PC: variants seen among roughly 807,000 people sequenced by gnomAD.
PC encodes pyruvate carboxylase, also known as pyruvate carboxylase, mitochondrial.
A neutral mutation model predicts 107.8 loss-of-function variants in PC; 46 were observed. That is an observed-to-expected ratio of 0.43 (90% CI 0.34 to 0.55). The LOEUF (loss-of-function observed/expected upper bound fraction) is 0.55, where lower values mean the gene tolerates loss of function less well. Among genes scored for constraint, PC ranks in the 20% least tolerant of loss-of-function variants. The pLI, the probability that PC is intolerant of heterozygous loss-of-function variation, is 0.04. For synonymous variants in PC, 662 were observed against 684.7 expected (o/e 0.97, Z 0.52); for missense variants, 1,241 against 1,643.1 (o/e 0.76, Z 4.23).
Position 66,850,379 on chromosome 11 carries a change from G to A in PC, c.2559C>T (p.Thr853=), listed in dbSNP as rs1255691208. 2.5e-6 allele frequency: 4 copies of A among 1,614,068 alleles called. No individual in the cohort carries two copies. The highest frequency in any genetic ancestry group is 8.5e-7 in the Non-Finnish European group (1 of 1,180,012). ...ACACGTCCGAGTTGCCAGACTTCAT[G>A]GTGGCCGTGCAGTCGAAGGCCGCGT... The part of the protein sequence containing the change: ...GLYAAFDCTA[T]MKSGNSDVYE... Residue 853 remains threonine, a synonymous_variant, in exon 19 of 23, where the codon ACC becomes ACT. Coordinates refer to ENST00000393960, the MANE Select transcript of PC (RefSeq NM_001040716.2).
chr11:66,878,631 G>T (rs1947071229), intron 3 of PC, among the ~76,000 whole-genome samples: 2 of 152,224 alleles, frequency 1.3e-5, no homozygotes, highest in African/African-American at 2.4e-5. Flanking sequence ...TCCACCAAGA[G>T]CCGGAGGCTG....
Position 66,848,904 on chromosome 11 carries a change from C to T in PC, c.3532G>A (p.Glu1178Lys), listed in dbSNP as rs141139690. The change falls in exon 23 of 23, where the codon GAG becomes AAG. Residue 1178 changes from glutamate to lysine, a missense_variant. Physicochemically the swap from Glu to Lys is moderately conservative, Grantham distance 56. Around this residue, in one of 2 missense-constraint regions of PC, gnomAD observed 98 missense variants for 91.2 expected, o/e 1.07. Coordinates refer to ENST00000393960, the MANE Select transcript of PC (RefSeq NM_001040716.2). ...LEGDDLILEI[E>K] is the part of the protein sequence containing the mutation. Reference sequence around the variant, plus strand: ...GCTGCCGGTCTGGGGCAAGATCACTCGATCTCCAGGATGAGGTCGTCACCT... The same window carrying T: ...GCTGCCGGTCTGGGGCAAGATCACTTGATCTCCAGGATGAGGTCGTCACCT... The T allele has an allele frequency of 4.6e-5, 75 of 1,613,662 alleles. No homozygotes were observed. The highest frequency in any genetic ancestry group is 1.6e-4 in the African/African-American group (12 of 74,924).
chr11:66,892,036 A>G (rs888320171), intron 3 of PC, among the ~76,000 whole-genome samples: 1 of 152,188 alleles, frequency 6.6e-6, no homozygotes, highest in Admixed American at 6.5e-5. Context: ...TATTCTAGGC[A>G]TGAATCCATT....
chr11:66,881,729 C>G (rs1177909604), intron 3 of PC, among the ~76,000 whole-genome samples: 1 of 152,340 alleles, frequency 6.6e-6, no homozygotes, highest in East Asian at 1.9e-4. Flanking sequence ...CACTCAGTAA[C>G]CCTCACAGCC....
rs1027675729 is a variant in PC, at chr11:66,848,603, G to C, written c.*296C>G. On this transcript the variant is annotated 3_prime_UTR_variant, in exon 23 of 23. Coordinates refer to ENST00000393960, the MANE Select transcript of PC (RefSeq NM_001040716.2). The stretch of plus-strand genomic sequence containing the variant: ...AGATCTCCCCTTCCCCCAGGAGATA[G>C]GACCCCTAAACCTCCCCTGGGTCCT... 1 of 600,070 alleles carries C rather than the reference G, an allele frequency of 1.7e-6. No homozygotes were observed. The highest frequency in any genetic ancestry group is 1.9e-5 in the African/African-American group (1 of 53,824). 37.2% of individuals were successfully genotyped at this position (600,070 alleles called of 1,614,324 possible).
chr11:66,948,612 G>A (rs1234663393), intron 3 of PC, among the ~76,000 whole-genome samples: 2 of 152,170 alleles, frequency 1.3e-5, no homozygotes, highest in African/African-American at 2.4e-5. Flanking sequence ...GGCCAAGGCG[G>A]GCTGATTGCT....
At chr11:66,908,763 C>T (rs76758584) in intron 3 of PC, among the ~76,000 whole-genome samples, 133 of 152,310 alleles carry the variant, frequency 8.7e-4, no homozygotes, top group Admixed American at 2.4e-3. Context: ...GCTACGGGAA[C>T]GTAAGTGCGC....
intron 3 of PC, among the ~76,000 whole-genome samples, chr11:66,937,169 A>T (rs1949020854): frequency 6.6e-6 from 1 of 152,182 alleles, no homozygotes; most frequent in South Asian, 2.1e-4. Flanking sequence ...CTACAGGTCA[A>T]GGAAGCTTGA....
chr11:66,871,519 T>A lies in PC; in HGVS notation c.322-39A>T. The A allele has an allele frequency of 6.2e-7, 1 of 1,611,512 alleles. No homozygotes were observed. Among genetic ancestry groups the A allele is most frequent in the Non-Finnish European group, 8.5e-7 (1 of 1,178,862 alleles). ...TCAGGGAGAGGACGGTACCTTGCAG[T>A]CCCTTCCAAGGCCTCGGCCAGCCTC... On this transcript the variant is annotated intron_variant, in intron 5 of 22. Transcript: ENST00000393960. The surrounding 1 kb of genome is among the most constrained non-coding windows in gnomAD (Gnocchi z 7.4).
rs557389257 is a variant in PC at position 66,852,345 on chromosome 11, C to T, written c.1825+94G>A. On this transcript the variant is annotated intron_variant, in intron 15 of 22. Transcript: ENST00000393960. The surrounding 1 kb of genome is among the most constrained non-coding windows in gnomAD (Gnocchi z 4.7). ...TCCTCTTTGGTGTTCTTCGTGTCAG[C>T]GTCTCTAGCTTGTCCCCAGTGGCCT... 25 of 1,029,224 alleles carry T rather than the reference C, an allele frequency of 2.4e-5. No individual in the cohort carries two copies. Among genetic ancestry groups the T allele is most frequent in the Admixed American group, 8.7e-5 (5 of 57,654 alleles). The allele number at this position is 1,029,224 out of a possible 1,614,324, so 63.8% of individuals were successfully genotyped here.
At position 66,850,781 on chromosome 11, in the gene PC, G is replaced by A; in HGVS notation, c.2366C>T (p.Ala789Val). 6.2e-7 allele frequency: 1 copy of A among 1,611,592 alleles called. No individual in the cohort carries two copies. Among genetic ancestry groups the A allele is most frequent in the Non-Finnish European group, 8.5e-7 (1 of 1,179,986 alleles). Residue 789 changes from alanine (A) to valine (V), a missense_variant, in exon 18 of 23, where the codon GCT becomes GTT. Ala to Val is a moderately conservative substitution (Grantham distance 64). Transcript: ENST00000393960. The stretch of plus-strand genomic sequence containing the variant: ...TGCCACATCCACCACATCAGCTCCA[G>A]CCTGGGCACAGGCCAGCATGGCTGC... ...GVAAMLACAQAGADVVDVAAD... is the reference protein window; with the variant it reads ...GVAAMLACAQVGADVVDVAAD...
At chr11:66,862,329 A>G (rs977680664) in intron 12 of PC, among the ~76,000 whole-genome samples, 1 of 152,168 alleles carries the variant, frequency 6.6e-6, no homozygotes, top group African/African-American at 2.4e-5. Context: ...GGCTGGCCAC[A>G]CACACAGGCA....
intron 3 of PC, among the ~76,000 whole-genome samples, chr11:66,950,247 C>T (rs918330496): frequency 2.0e-5 from 3 of 152,184 alleles, no homozygotes; most frequent in South Asian, 2.1e-4. Context: ...ATGGCCAGGT[C>T]GTGGAATTTT....
intron 3 of PC, among the ~76,000 whole-genome samples, chr11:66,890,862 C>A (rs1157637325): frequency 2.6e-5 from 4 of 151,994 alleles, no homozygotes; most frequent in Non-Finnish European, 5.9e-5. Flanking sequence ...ACAAAATGAT[C>A]ATTGTTGAAG....
chr11:66,954,974 T>C (rs1422490052), intron 1 of PC, among the ~76,000 whole-genome samples: 1 of 150,574 alleles, frequency 6.6e-6, no homozygotes, highest in Non-Finnish European at 1.5e-5. Flanking sequence ...AACGTTGACC[T>C]GAACGAGGCC....
chr11:66,886,365 G>C (rs1175555020), intron 3 of PC, among the ~76,000 whole-genome samples: 1 of 152,178 alleles, frequency 6.6e-6, no homozygotes. Flanking sequence ...TCCAGAGCTA[G>C]TGGGCCCCAC....
chr11:66,925,810 A>G (rs1043136596), intron 3 of PC, among the ~76,000 whole-genome samples: 3 of 152,076 alleles, frequency 2.0e-5, no homozygotes, highest in African/African-American at 7.2e-5. Flanking sequence ...AAAAGTATTA[A>G]TTTGGGGAAC....
intron 11 of PC, among the ~76,000 whole-genome samples, chr11:66,865,200 C>T (rs1292394329): frequency 6.6e-6 from 1 of 152,172 alleles, no homozygotes; most frequent in Non-Finnish European, 1.5e-5. Flanking sequence ...CTTCCAGAAT[C>T]CAGAGAGCTC....
intron 3 of PC, among the ~76,000 whole-genome samples, chr11:66,905,426 A>G (rs1948132288): frequency 6.6e-6 from 1 of 152,190 alleles, no homozygotes; most frequent in Non-Finnish European, 1.5e-5. Context: ...GGGCCAGTGG[A>G]GCCAGTTCAA....
Sources: gnomAD v4.1 joint callset for allele counts (sites outside exome capture counted in the v4.1 genomes callset) on GRCh38, gnomAD v4.1.1 for gene constraint, gnomAD v4.1.1 regional missense constraint, Gnocchi (gnomAD v3.1) non-coding constraint, MANE v1.5 for transcripts, NCBI Gene and HGNC (gene_info 2026-07-23, HGNC 2026-07-21) for gene names.